Variants in ATRNL1 observed in about 807,000 individuals in gnomAD.
ATRNL1 encodes the protein attractin like 1.
In ATRNL1, 95 loss-of-function variants were observed where a neutral mutation model predicts 182.7. The observed-to-expected ratio is 0.52, with a 90% CI of 0.44 to 0.62. The LOEUF (loss-of-function observed/expected upper bound fraction) is 0.62. ATRNL1 is among the 20% of genes least tolerant of loss of function. ATRNL1 has a pLI of 0.00. For missense variants in ATRNL1, 1,471 were observed against 1,679.5 expected (o/e 0.88, Z 2.17); for synonymous variants, 576 against 568.3 (o/e 1.01, Z -0.19).
At chr10:115,165,722 C>G in intron 7 of ATRNL1, 77 bp downstream of exon 7, 1 of 701,798 alleles carries the variant, frequency 1.4e-6, no homozygotes, top group Non-Finnish European at 2.3e-6. Context: ...TACTAAATCT[C>G]AGATTTATTT....
At chr10:115,807,901 GC>G (rs1334188833) in intron 27 of ATRNL1, among the ~76,000 whole-genome samples, 10 of 152,244 alleles carry the variant, frequency 6.6e-5, no homozygotes, top group South Asian at 2.1e-4. Context: ...TACTAGGACT[GC>G]CTTATAAAAG....
At chr10:115,650,527 CAAAT>C (rs1384014626) in intron 26 of ATRNL1, among the ~76,000 whole-genome samples, 2 of 151,896 alleles carry the variant, frequency 1.3e-5, no homozygotes, top group Non-Finnish European at 2.9e-5. Context: ...TAAAGCAAAA[CAAAT>C]AAGTAACTTC....
chr10:115,715,585 G>A (rs1947223705), intron 26 of ATRNL1, among the ~76,000 whole-genome samples: 1 of 152,144 alleles, frequency 6.6e-6, no homozygotes, highest in Admixed American at 6.6e-5. Context: ...TGGAATCGGG[G>A]TCAACATGAA....
intron 26 of ATRNL1, among the ~76,000 whole-genome samples, chr10:115,572,681 G>T (rs1565176817): frequency 6.6e-6 from 1 of 152,184 alleles, no homozygotes; most frequent in Non-Finnish European, 1.5e-5. Flanking sequence ...CCAGAGAGAG[G>T]TCTGGGATTC....
At chr10:115,467,022 A>G (rs1848082931) in intron 22 of ATRNL1, 152 bp from the exon 23 acceptor site, 3 of 470,754 alleles carry the variant, frequency 6.4e-6, no homozygotes, top group African/African-American at 2.1e-5. Flanking sequence ...CTTCATTAAA[A>G]TGTATAAATG....
At chr10:115,482,113 A>G (rs895258257) in intron 24 of ATRNL1, among the ~76,000 whole-genome samples, 14 of 151,162 alleles carry the variant, frequency 9.3e-5, no homozygotes, top group Non-Finnish European at 1.2e-4. Context: ...GAATCTCTCA[A>G]TAGATAATAA....
At chr10:115,408,129 G>T (rs1012510475) in intron 20 of ATRNL1, among the ~76,000 whole-genome samples, 21 of 150,176 alleles carry the variant, frequency 1.4e-4, no homozygotes, top group Non-Finnish European at 4.4e-5. Flanking sequence ...TCAGCCTCCC[G>T]AGTAGCCGGG....
At chr10:115,625,006 G>A (rs1333563246) in intron 26 of ATRNL1, among the ~76,000 whole-genome samples, 1 of 152,068 alleles carries the variant, frequency 6.6e-6, no homozygotes, top group Non-Finnish European at 1.5e-5. Context: ...AAGCAGGTAT[G>A]GCCTTTAAAA....
chr10:115,744,728 C>T (rs187434712), intron 27 of ATRNL1, among the ~76,000 whole-genome samples: 182 of 152,120 alleles, frequency 1.2e-3, no homozygotes, highest in African/African-American at 4.0e-3. Flanking sequence ...TGTAAATGCA[C>T]GCATAATACA....
chr10:115,389,544 A>G (rs1324708727), intron 19 of ATRNL1, among the ~76,000 whole-genome samples: 480 of 10,406 alleles, frequency 0.046, 57 homozygotes, highest in African/African-American at 0.17. Context: ...GTATGTGTAT[A>G]TATATATATA....
chr10:115,586,373 C>T (rs200059764), intron 26 of ATRNL1, among the ~76,000 whole-genome samples: 4,573 of 67,086 alleles, frequency 0.068, 85 homozygotes, highest in East Asian at 0.17. Context: ...CCATTCTCCC[C>T]GTCACTTTCA....
At chr10:115,196,175 G>C (rs1313066147) in intron 8 of ATRNL1, among the ~76,000 whole-genome samples, 2 of 152,016 alleles carry the variant, frequency 1.3e-5, no homozygotes, top group African/African-American at 4.8e-5. Flanking sequence ...CTGAATGAAT[G>C]AATGAATGAA....
At chr10:115,593,964 G>A (rs1856072544) in intron 26 of ATRNL1, among the ~76,000 whole-genome samples, 1 of 151,630 alleles carries the variant, frequency 6.6e-6, no homozygotes, top group African/African-American at 2.4e-5. Flanking sequence ...AAGAGAGATG[G>A]GTTTTCATAC....
At chr10:115,723,513 G>A (rs897371674) in intron 26 of ATRNL1, among the ~76,000 whole-genome samples, 2 of 136,302 alleles carry the variant, frequency 1.5e-5, no homozygotes, top group Admixed American at 1.6e-4. Context: ...TCAAATTTAA[G>A]CGTAGATATT....
chr10:115,319,643 T>G (rs1009042813), intron 18 of ATRNL1, among the ~76,000 whole-genome samples: 74 of 147,162 alleles, frequency 5.0e-4, no homozygotes, highest in African/African-American at 1.7e-3. Context: ...ATGTAATGCC[T>G]TTTTTTTTGT....
At chr10:115,502,143 G>T (rs1849875465) in intron 24 of ATRNL1, among the ~76,000 whole-genome samples, 2 of 151,930 alleles carry the variant, frequency 1.3e-5, no homozygotes, top group South Asian at 4.2e-4. Flanking sequence ...TCAGAATTAT[G>T]GGAGTTTTCC....
chr10:115,137,609 C>T (rs967742336), intron 5 of ATRNL1, among the ~76,000 whole-genome samples: 7 of 152,160 alleles, frequency 4.6e-5, no homozygotes, highest in African/African-American at 1.7e-4. Flanking sequence ...GAAGCTCCCC[C>T]TTTTTAAAAC....
intron 21 of ATRNL1, among the ~76,000 whole-genome samples, chr10:115,441,450 T>C (rs1846675648): frequency 6.6e-6 from 1 of 151,962 alleles, no homozygotes; most frequent in East Asian, 1.9e-4. Flanking sequence ...TGAAACAGTC[T>C]ATTTCTTGAC....
chr10:115,695,230 T>C (rs1946522007), intron 26 of ATRNL1, among the ~76,000 whole-genome samples: 1 of 152,148 alleles, frequency 6.6e-6, no homozygotes, highest in Non-Finnish European at 1.5e-5. Flanking sequence ...GGCTATTTAG[T>C]ACAAATCTGA....
Sources: allele counts gnomAD v4.1 joint callset (sites outside exome capture counted in the v4.1 genomes callset), GRCh38; gene constraint gnomAD v4.1.1; transcripts MANE v1.5; gene names NCBI Gene and HGNC (gene_info 2026-07-23, HGNC 2026-07-21).